TRAPPC9: variants seen among roughly 807,000 people sequenced by gnomAD.
The protein encoded by TRAPPC9 is IKK2 binding protein.
In TRAPPC9, 83 loss-of-function variants were observed where a neutral mutation model predicts 124.0. That is an observed-to-expected ratio of 0.67 (90% CI 0.56 to 0.80). TRAPPC9 has a LOEUF of 0.80. TRAPPC9 is among the 30% of genes least tolerant of loss of function. The pLI is 0.00. For synonymous variants in TRAPPC9, 638 were observed against 617.5 expected (o/e 1.03, Z -0.49); for missense variants, 1,302 against 1,508.3 (o/e 0.86, Z 2.27).
chr8:139,792,157 A>G (rs1822734583), intron 21 of TRAPPC9, among the ~76,000 whole-genome samples: 1 of 152,166 alleles, frequency 6.6e-6, no homozygotes, highest in Non-Finnish European at 1.5e-5. Flanking sequence ...TAGAGAGCAC[A>G]GTCCCCCATT....
At chr8:140,141,932 G>A (rs530198644) in intron 17 of TRAPPC9, among the ~76,000 whole-genome samples, 13 of 152,266 alleles carry the variant, frequency 8.5e-5, no homozygotes, top group Admixed American at 7.2e-4. Flanking sequence ...TTTGGTTTCC[G>A]TTTCAGAGTA....
intron 21 of TRAPPC9, among the ~76,000 whole-genome samples, chr8:139,757,233 G>T (rs537638685): frequency 7.6e-6 from 1 of 131,748 alleles, no homozygotes; most frequent in Admixed American, 7.6e-5. Flanking sequence ...ACAGCATGTC[G>T]CAGGAGGAGC....
chr8:140,408,541 A>G (rs2069580256), intron 5 of TRAPPC9, among the ~76,000 whole-genome samples: 1 of 152,176 alleles, frequency 6.6e-6, no homozygotes, highest in Admixed American at 6.5e-5. Flanking sequence ...ATACACCAAG[A>G]ACCAGTGTGG....
intron 21 of TRAPPC9, among the ~76,000 whole-genome samples, chr8:139,755,937 A>T (rs1270311787): frequency 8.2e-6 from 1 of 122,650 alleles, no homozygotes; most frequent in East Asian, 2.4e-4. Flanking sequence ...GGGGATGAGG[A>T]CCGCAGGTCG....
At chr8:139,744,213 G>GA (rs1436700796) in intron 21 of TRAPPC9, among the ~76,000 whole-genome samples, 1 of 152,242 alleles carries the variant, frequency 6.6e-6, no homozygotes, top group Non-Finnish European at 1.5e-5. Flanking sequence ...AGAGAGTTTG[G>GA]AAAAGAAGCG....
At chr8:140,454,016 CGGT>C (rs1227182646) in intron 1 of TRAPPC9, among the ~76,000 whole-genome samples, 1 of 152,178 alleles carries the variant, frequency 6.6e-6, no homozygotes, top group Non-Finnish European at 1.5e-5. Flanking sequence ...CGGCCAGACA[CGGT>C]GGCTCACACC....
intron 11 of TRAPPC9, among the ~76,000 whole-genome samples, chr8:140,294,728 C>T (rs2065757744): frequency 6.6e-6 from 1 of 151,666 alleles, no homozygotes; most frequent in Admixed American, 6.6e-5. Context: ...CTGCCTCAGC[C>T]TCCCAAGTAG....
intron 19 of TRAPPC9, among the ~76,000 whole-genome samples, chr8:139,922,747 T>A (rs1336134757): frequency 6.6e-6 from 1 of 152,168 alleles, no homozygotes; most frequent in Non-Finnish European, 1.5e-5. Context: ...TGCATCTTCC[T>A]GCCTTCCTCA....
chr8:140,396,069 C>T (rs908416285), intron 7 of TRAPPC9, among the ~76,000 whole-genome samples: 1 of 151,892 alleles, frequency 6.6e-6, no homozygotes, highest in Admixed American at 6.6e-5. Flanking sequence ...CTGCAATGGG[C>T]CCCCTCCCTT....
At chr8:140,385,394 A>T (rs1284605778) in intron 7 of TRAPPC9, among the ~76,000 whole-genome samples, 1 of 152,292 alleles carries the variant, frequency 6.6e-6, no homozygotes, top group East Asian at 1.9e-4. Flanking sequence ...TTTTTTGAAA[A>T]GATCAACAAA....
chr8:140,035,137 A>C (rs552216816), intron 17 of TRAPPC9, among the ~76,000 whole-genome samples: 4 of 152,266 alleles, frequency 2.6e-5, no homozygotes, highest in Non-Finnish European at 4.4e-5. Context: ...TAGGCAGCAG[A>C]GATTTGTTAG....
At chr8:140,083,828 A>C (rs998996908) in intron 17 of TRAPPC9, among the ~76,000 whole-genome samples, 19 of 152,106 alleles carry the variant, frequency 1.2e-4, no homozygotes, top group Middle Eastern at 3.4e-3. Flanking sequence ...CACCACATCC[A>C]GCTAATTTTT....
At chr8:140,003,594 C>A (rs1838543476) in intron 18 of TRAPPC9, among the ~76,000 whole-genome samples, 1 of 129,146 alleles carries the variant, frequency 7.7e-6, no homozygotes, top group African/African-American at 3.8e-5. Flanking sequence ...AGAGTGAGAC[C>A]CTGTCACAAA....
intron 7 of TRAPPC9, 64 bp from the exon 8 acceptor site, chr8:140,371,244 C>T (rs956454309): frequency 1.4e-6 from 2 of 1,432,966 alleles, no homozygotes; most frequent in Middle Eastern, 1.7e-4. Context: ...AAGAAGCACA[C>T]ATTAAAAATG....
intron 15 of TRAPPC9, among the ~76,000 whole-genome samples, chr8:140,264,071 C>G (rs1488089494): frequency 6.6e-6 from 1 of 152,122 alleles, no homozygotes; most frequent in Non-Finnish European, 1.5e-5. Flanking sequence ...CCTGCCTTGC[C>G]GTGATTATTT....
intron 17 of TRAPPC9, among the ~76,000 whole-genome samples, chr8:140,149,134 G>A (rs915882639): frequency 3.9e-5 from 6 of 151,962 alleles, no homozygotes; most frequent in African/African-American, 9.7e-5. Flanking sequence ...ACAAGCATCC[G>A]CGTGCCCCTG....
chr8:140,082,037 A>G (rs770764062), intron 17 of TRAPPC9: 3 of 152,266 alleles, frequency 2.0e-5, no homozygotes, highest in Non-Finnish European at 4.4e-5. Flanking sequence ...ATGTCTTCAA[A>G]GCAAGCCTGG....
intron 21 of TRAPPC9, among the ~76,000 whole-genome samples, chr8:139,854,230 C>T (rs183048451): frequency 6.6e-6 from 1 of 152,220 alleles, no homozygotes; most frequent in Non-Finnish European, 1.5e-5. Context: ...ATGTTTTCCA[C>T]CCCCTACATG....
chr8:139,838,672 C>CA (rs1183277206), intron 21 of TRAPPC9, among the ~76,000 whole-genome samples: 1 of 151,936 alleles, frequency 6.6e-6, no homozygotes, highest in Non-Finnish European at 1.5e-5. Flanking sequence ...GGGTGGGTGG[C>CA]AAGGTTACCG....
Sources: gnomAD v4.1 joint callset for allele counts (sites outside exome capture counted in the v4.1 genomes callset) on GRCh38, gnomAD v4.1.1 for gene constraint, MANE v1.5 for transcripts, NCBI Gene and HGNC (gene_info 2026-07-23, HGNC 2026-07-21) for gene names.